Variants in CADM1 observed in about 807,000 individuals in gnomAD.
The protein encoded by CADM1 is cell adhesion molecule 1.
A neutral mutation model predicts 53.1 loss-of-function variants in CADM1; 15 were observed. The ratio of observed to expected loss-of-function variants is 0.28; its 90% CI spans 0.19 to 0.44. The LOEUF (loss-of-function observed/expected upper bound fraction) is 0.44. CADM1 is among the 20% of genes least tolerant of loss of function. The pLI, the probability that CADM1 is intolerant of heterozygous loss-of-function variation, is 1.00. For missense variants in CADM1, 434 were observed against 611.3 expected (o/e 0.71, Z 3.06); for synonymous variants, 281 against 243.0 (o/e 1.16, Z -1.45).
At chr11:115,284,138 G>A (rs1013044306) in intron 1 of CADM1, among the ~76,000 whole-genome samples, 2 of 115,160 alleles carry the variant, frequency 1.7e-5, no homozygotes, top group Admixed American at 2.0e-4. Context: ...GTGTGTGTGT[G>A]TGTGTGTGTG....
rs755164818 is a variant in CADM1 at position 115,170,986 on chromosome 11, C to T, written c.*5488G>A. ...CGTAAGGCTCAGTCAGCCAGGTGCT[C>T]GACTCTTCTCCCTTTAATCAGCTGA... On this transcript the variant is annotated 3_prime_UTR_variant, in exon 12 of 12. Coordinates refer to ENST00000331581, the MANE Select transcript of CADM1 (RefSeq NM_001301043.2). 3.3e-5 allele frequency: 5 copies of T among 152,120 alleles called. No individual in the cohort carries two copies. Among genetic ancestry groups the T allele is most frequent in the Non-Finnish European group, 5.9e-5 (4 of 68,034 alleles). 9.4% of individuals were successfully genotyped at this position (152,120 alleles called of 1,614,324 possible).
At chr11:115,370,806 G>C (rs1287483080) in intron 1 of CADM1, among the ~76,000 whole-genome samples, 1 of 152,118 alleles carries the variant, frequency 6.6e-6, no homozygotes, top group Admixed American at 6.5e-5. Flanking sequence ...GACCTCTGAA[G>C]GAAGTCAGAG....
intron 9 of CADM1, chr11:115,194,232 T>A (rs940802001): frequency 6.6e-6 from 1 of 152,224 alleles, no homozygotes; most frequent in Admixed American, 6.5e-5. Flanking sequence ...ATGGTGGACA[T>A]AGCGGTTGTA....
chr11:115,340,650 ATATATATATTTT>A (rs1211047134), intron 1 of CADM1, among the ~76,000 whole-genome samples: 1 of 35,654 alleles, frequency 2.8e-5, no homozygotes, highest in African/African-American at 1.0e-4. Flanking sequence ...ATATATATAT[ATATATATATTTT>A]TTTTTTTTTT....
chr11:115,354,298 G>A (rs528288885), intron 1 of CADM1, among the ~76,000 whole-genome samples: 1 of 152,256 alleles, frequency 6.6e-6, no homozygotes, highest in South Asian at 2.1e-4. Flanking sequence ...TTTTCAAATT[G>A]AGTAACTAAG....
At chr11:115,183,845 G>C (rs1372898570) in intron 10 of CADM1, among the ~76,000 whole-genome samples, 1 of 152,092 alleles carries the variant, frequency 6.6e-6, no homozygotes, top group African/African-American at 2.4e-5. Context: ...AACGGTATTA[G>C]TCTTCCTACT....
intron 1 of CADM1, among the ~76,000 whole-genome samples, chr11:115,312,232 C>T (rs184025696): frequency 1.3e-5 from 2 of 152,232 alleles, no homozygotes; most frequent in Admixed American, 1.3e-4. Flanking sequence ...TCCAATGCCG[C>T]TTTATTTAAA....
intron 1 of CADM1, among the ~76,000 whole-genome samples, chr11:115,287,986 G>T (rs897405032): frequency 7.9e-5 from 12 of 152,130 alleles, no homozygotes; most frequent in African/African-American, 2.9e-4. Flanking sequence ...GGAGAGTTGG[G>T]GCAGTGTGTG....
At chr11:115,288,049 C>G (rs1213755103) in intron 1 of CADM1, among the ~76,000 whole-genome samples, 2 of 152,156 alleles carry the variant, frequency 1.3e-5, no homozygotes, top group Non-Finnish European at 2.9e-5. Context: ...GATGAAATGA[C>G]ATTCTGTGTG....
chr11:115,353,898 G>A (rs927419303), intron 1 of CADM1, among the ~76,000 whole-genome samples: 4 of 152,094 alleles, frequency 2.6e-5, no homozygotes, highest in African/African-American at 9.7e-5. Context: ...AGGATTGTTA[G>A]GTATGTGAAA....
At chr11:115,260,831 C>T (rs1236737019) in intron 1 of CADM1, among the ~76,000 whole-genome samples, 3 of 133,072 alleles carry the variant, frequency 2.3e-5, no homozygotes, top group Non-Finnish European at 4.6e-5. Context: ...TGCCACCACC[C>T]CCGGCTAATT....
At chr11:115,435,826 T>G (rs138901868) in intron 1 of CADM1, among the ~76,000 whole-genome samples, 1 of 152,204 alleles carries the variant, frequency 6.6e-6, no homozygotes, top group African/African-American at 2.4e-5. Context: ...CCGACCTGAG[T>G]GATTTTGCTG....
At position 115,217,939 on chromosome 11, in the gene CADM1, C is replaced by A. The variant is rs917789698; in HGVS notation, c.774G>T (p.Arg258=). The change falls in exon 6 of 12, where the codon CGG becomes CGT. Residue 258 remains arginine, a synonymous_variant. Transcript: ENST00000331581. ...ATGTTAACTCAAGCGCGTCCCCTTCCCGGGTTAAGCCTTGTAGAGGATAAG... is the reference window on the plus strand; with the variant it reads ...ATGTTAACTCAAGCGCGTCCCCTTCACGGGTTAAGCCTTGTAGAGGATAAG... The part of the protein sequence containing the change: ...QMTYPLQGLT[R]EGDALELTCE... 43 of 1,613,574 alleles carry A rather than the reference C, an allele frequency of 2.7e-5. No homozygotes were observed. The highest frequency in any genetic ancestry group is 3.6e-5 in the Non-Finnish European group (42 of 1,179,706).
intron 1 of CADM1, among the ~76,000 whole-genome samples, chr11:115,425,292 A>C (rs1322215182): frequency 6.6e-6 from 1 of 152,176 alleles, no homozygotes; most frequent in Non-Finnish European, 1.5e-5. Flanking sequence ...CTATTTTCCT[A>C]ACCAAAGTAT....
At chr11:115,255,455 A>C (rs1478673532) in intron 1 of CADM1, among the ~76,000 whole-genome samples, 2 of 152,218 alleles carry the variant, frequency 1.3e-5, no homozygotes, top group Admixed American at 6.5e-5. Flanking sequence ...CTACTAAGTC[A>C]GAAAGTGCAT....
chr11:115,223,973 A>G (rs202211590), intron 5 of CADM1, among the ~76,000 whole-genome samples: 1,197 of 92,480 alleles, frequency 0.013, 20 homozygotes, highest in African/African-American at 0.043. Context: ...AAAAAAAAAA[A>G]AGAGAGAGAG....
At chr11:115,192,884 C>T (rs1939950492) in intron 9 of CADM1, among the ~76,000 whole-genome samples, 1 of 152,186 alleles carries the variant, frequency 6.6e-6, no homozygotes, top group African/African-American at 2.4e-5. Context: ...TAAAATATAT[C>T]AAGTTATCTG....
chr11:115,353,200 T>A (rs1945782138), intron 1 of CADM1, among the ~76,000 whole-genome samples: 1 of 152,170 alleles, frequency 6.6e-6, no homozygotes, highest in South Asian at 2.1e-4. Context: ...CTGGCATGAG[T>A]GGACACATTA....
chr11:115,296,695 C>T (rs1387209252), intron 1 of CADM1, among the ~76,000 whole-genome samples: 1 of 152,180 alleles, frequency 6.6e-6, no homozygotes, highest in African/African-American at 2.4e-5. Context: ...ACATAAATCC[C>T]TTTTCTTTAT....
Sources: gnomAD v4.1 joint callset for allele counts (sites outside exome capture counted in the v4.1 genomes callset) on GRCh38, gnomAD v4.1.1 for gene constraint, MANE v1.5 for transcripts, NCBI Gene and HGNC (gene_info 2026-07-23, HGNC 2026-07-21) for gene names.